LRRC4C: variants seen among roughly 807,000 people sequenced by gnomAD.
LRRC4C encodes the protein leucine rich repeat containing 4C, also known as leucine-rich repeat-containing protein 4C.
A neutral mutation model predicts 33.6 loss-of-function variants in LRRC4C; 5 were observed. The ratio of observed to expected loss-of-function variants is 0.15; its 90% confidence interval spans 0.08 to 0.31. The LOEUF is 0.31. Among genes scored for constraint, LRRC4C ranks in the 10% least tolerant of loss-of-function variants. The probability of loss-of-function intolerance (pLI) is 1.00; values close to 1 mark genes in which losing one functional copy is unlikely to be tolerated. For missense variants in LRRC4C, 560 were observed against 796.7 expected, an observed-to-expected ratio of 0.70 and a Z score of 3.58; for synonymous variants, 329 against 302.0, an observed-to-expected ratio of 1.09 and a Z score of -0.93.
At chr11:40,603,062 G>A (rs546057006) in intron 3 of LRRC4C, among the ~76,000 whole-genome samples, 2 of 152,100 alleles carry the variant, frequency 1.3e-5, no homozygotes, top group Non-Finnish European at 2.9e-5. Flanking sequence ...AGTCACAAAA[G>A]TCACTCTGAC....
intron 1 of LRRC4C, among the ~76,000 whole-genome samples, chr11:41,186,814 C>A (rs1362444564): frequency 1.3e-5 from 2 of 152,084 alleles, no homozygotes; most frequent in Admixed American, 1.3e-4. Flanking sequence ...ATTTTGATAC[C>A]GTTTAGGTAG....
intron 3 of LRRC4C, among the ~76,000 whole-genome samples, chr11:40,413,334 A>C (rs1018408976): frequency 6.6e-6 from 1 of 151,922 alleles, no homozygotes; most frequent in Non-Finnish European, 1.5e-5. Context: ...CACACCTTAC[A>C]CTCGGCCAAA....
At chr11:40,567,780 ACTCTAGCATATGCTAGTCT>A (rs1229440984) in intron 3 of LRRC4C, among the ~76,000 whole-genome samples, 1 of 152,190 alleles carries the variant, frequency 6.6e-6, no homozygotes, top group Non-Finnish European at 1.5e-5. Context: ...CCAGATTATT[ACTCTAGCATATGCTAGTCT>A]CTCTATAATG....
At chr11:40,305,374 C>A (rs1944979680) in intron 4 of LRRC4C, among the ~76,000 whole-genome samples, 1 of 152,146 alleles carries the variant, frequency 6.6e-6, no homozygotes, top group South Asian at 2.1e-4. Flanking sequence ...GGCATATACT[C>A]CACTCATAGA....
At chr11:40,406,990 CAT>C (rs1378303727) in intron 3 of LRRC4C, among the ~76,000 whole-genome samples, 1 of 152,052 alleles carries the variant, frequency 6.6e-6, no homozygotes, top group Admixed American at 6.6e-5. Flanking sequence ...GTGGGCTACA[CAT>C]ATTCCCTTGG....
At chr11:41,173,583 T>A (rs1019090563) in intron 1 of LRRC4C, among the ~76,000 whole-genome samples, 1 of 152,152 alleles carries the variant, frequency 6.6e-6, no homozygotes, top group East Asian at 1.9e-4. Context: ...AGGTAGCTCA[T>A]ACTTATCCTT....
chr11:41,015,171 T>G (rs978456154), intron 1 of LRRC4C, among the ~76,000 whole-genome samples: 1 of 152,184 alleles, frequency 6.6e-6, no homozygotes, highest in African/African-American at 2.4e-5. Flanking sequence ...AATGAACATT[T>G]TAGGAGTCCA....
intron 3 of LRRC4C, among the ~76,000 whole-genome samples, chr11:40,351,972 T>C (rs978298637): frequency 6.6e-6 from 1 of 152,136 alleles, no homozygotes; most frequent in Non-Finnish European, 1.5e-5. Context: ...AAATTATTCA[T>C]TCGGCCACTC....
At chr11:40,913,845 A>G (rs1430101743) in intron 2 of LRRC4C, among the ~76,000 whole-genome samples, 1 of 152,222 alleles carries the variant, frequency 6.6e-6, no homozygotes, top group Non-Finnish European at 1.5e-5. Flanking sequence ...AATAGACGCA[A>G]TAAAAAATGA....
chr11:40,419,705 A>T (rs1206920708), intron 3 of LRRC4C, among the ~76,000 whole-genome samples: 1 of 152,196 alleles, frequency 6.6e-6, no homozygotes, highest in Non-Finnish European at 1.5e-5. Context: ...TTTGCTTTTC[A>T]CCAATAGAGG....
chr11:41,427,498 G>T (rs547002617), intron 1 of LRRC4C, among the ~76,000 whole-genome samples: 20 of 152,274 alleles, frequency 1.3e-4, no homozygotes, highest in African/African-American at 4.6e-4. Context: ...ATTTTCTAAT[G>T]TTGATTAGAA....
chr11:40,514,166 T>A (rs181325574), intron 3 of LRRC4C, among the ~76,000 whole-genome samples: 263 of 152,312 alleles, frequency 1.7e-3, no homozygotes, highest in African/African-American at 5.8e-3. Context: ...AACCCTTGTT[T>A]GGTTGGGTAA....
chr11:40,858,595 G>A (rs918923478), intron 2 of LRRC4C, among the ~76,000 whole-genome samples: 2 of 150,614 alleles, frequency 1.3e-5, no homozygotes, highest in Admixed American at 6.6e-5. Context: ...TCTGGTGGCT[G>A]AGGCGGGAGA....
intron 2 of LRRC4C, among the ~76,000 whole-genome samples, chr11:40,825,867 G>GA (rs1013265915): frequency 2.2e-3 from 285 of 128,258 alleles, no homozygotes; most frequent in African/African-American, 7.3e-3. Flanking sequence ...CTTTTCGTAA[G>GA]AAAAAAAAAA....
intron 5 of LRRC4C, among the ~76,000 whole-genome samples, chr11:40,213,263 T>C (rs1405760432): frequency 6.6e-6 from 1 of 152,164 alleles, no homozygotes; most frequent in Non-Finnish European, 1.5e-5. Context: ...TTAATAGCTT[T>C]TCTCTCTTAC....
chr11:40,582,028 T>C (rs941918048), intron 3 of LRRC4C, among the ~76,000 whole-genome samples: 2 of 152,162 alleles, frequency 1.3e-5, no homozygotes, highest in Non-Finnish European at 2.9e-5. Flanking sequence ...GGAAAAGGCT[T>C]AGAAAAGTTA....
intron 3 of LRRC4C, among the ~76,000 whole-genome samples, chr11:40,541,207 A>AGG (rs1161933100): frequency 6.6e-6 from 1 of 152,054 alleles, no homozygotes; most frequent in Non-Finnish European, 1.5e-5. Context: ...TTAGATATGG[A>AGG]GTCTTGCTAT....
intron 5 of LRRC4C, among the ~76,000 whole-genome samples, chr11:40,198,135 T>C (rs953393565): frequency 6.6e-6 from 1 of 152,076 alleles, no homozygotes; most frequent in Non-Finnish European, 1.5e-5. Context: ...ATTATATAAA[T>C]GAAGCAGGAA....
At chr11:40,826,294 C>A (rs182553593) in intron 2 of LRRC4C, among the ~76,000 whole-genome samples, 2 of 151,996 alleles carry the variant, frequency 1.3e-5, no homozygotes, top group African/African-American at 2.4e-5. Flanking sequence ...CTCTCTCAAC[C>A]AAAAGTCCCA....
Sources: gnomAD v4.1 joint callset for allele counts (sites outside exome capture counted in the v4.1 genomes callset) on GRCh38, gnomAD v4.1.1 for gene constraint, MANE v1.5 for transcripts, NCBI Gene and HGNC (gene_info 2026-07-23, HGNC 2026-07-21) for gene names.